The following OPCML variants were observed in gnomAD, a reference collection of about 807,000 sequenced individuals.
OPCML encodes opioid binding protein/cell adhesion molecule like.
OPCML carries 13 observed loss-of-function variants against 37.8 expected under a neutral mutation model. That is an observed-to-expected ratio of 0.34 (90% confidence interval 0.22 to 0.55). The LOEUF is 0.55. Ranked by LOEUF, OPCML falls within the 20% of genes least tolerant of loss-of-function variation. OPCML has a pLI of 0.91. For missense variants in OPCML, 341 were observed against 435.6 expected (o/e 0.78, Z 1.93); for synonymous variants, 176 against 168.8 (o/e 1.04, Z -0.33).
At chr11:132,543,806 A>G (rs1158498833) in intron 3 of OPCML, among the ~76,000 whole-genome samples, 3 of 152,304 alleles carry the variant, frequency 2.0e-5, no homozygotes, top group African/African-American at 7.2e-5. Flanking sequence ...CACAAAAGAC[A>G]TTACTTATAA....
At chr11:132,689,109 G>C (rs1201124869) in intron 2 of OPCML, among the ~76,000 whole-genome samples, 1 of 152,140 alleles carries the variant, frequency 6.6e-6, no homozygotes. Flanking sequence ...TCCCGGGAAT[G>C]CTGTTTCAGT....
At chr11:132,472,306 A>G (rs933732815) in intron 4 of OPCML, among the ~76,000 whole-genome samples, 2 of 152,162 alleles carry the variant, frequency 1.3e-5, no homozygotes, top group African/African-American at 4.8e-5. Flanking sequence ...AGCACATAGT[A>G]AGCACTCCAC....
At chr11:132,457,383 A>G (rs182819928) in intron 4 of OPCML, among the ~76,000 whole-genome samples, 294 of 152,282 alleles carry the variant, frequency 1.9e-3, no homozygotes, top group African/African-American at 6.5e-3. Context: ...GAAAGACCAA[A>G]CCTACACTGA....
At chr11:133,074,322 A>G (rs1237487177) in intron 1 of OPCML, among the ~76,000 whole-genome samples, 1 of 152,254 alleles carries the variant, frequency 6.6e-6, no homozygotes, top group Non-Finnish European at 1.5e-5. Context: ...GAAGACTTCT[A>G]AAGTCCTTCC....
In OPCML at chr11:133,532,459, A is replaced by C. The variant is rs1948625668; in HGVS notation, c.-135T>G. 4 of 1,070,150 alleles carry C rather than the reference A, an allele frequency of 3.7e-6. No individual in the cohort carries two copies. Among genetic ancestry groups the C allele is most frequent in the Non-Finnish European group, 4.1e-6 (3 of 723,154 alleles). 66.3% of individuals were successfully genotyped at this position (1,070,150 alleles called of 1,614,324 possible). A position where few individuals can be genotyped will look rare whatever the true frequency, so the allele number is the denominator to read the frequency against. ...CAAAGGGAGGGAGAGAGCAGAAGAG[A>C]GAGAGAGCGCGCGAGAGATGGGAGC... On this transcript the variant is annotated 5_prime_UTR_variant, in exon 1 of 8. Coordinates refer to ENST00000524381, the MANE Select transcript of OPCML (RefSeq NM_001012393.5).
chr11:133,181,464 TA>T (rs35710142), intron 1 of OPCML, among the ~76,000 whole-genome samples: 43,347 of 145,826 alleles, frequency 0.3, 6,540 homozygotes, highest in Middle Eastern at 0.4. Flanking sequence ...TAGTGAACTT[TA>T]AAAAAAAATT....
chr11:133,207,155 C>T (rs1939106940), intron 1 of OPCML, among the ~76,000 whole-genome samples: 1 of 149,354 alleles, frequency 6.7e-6, no homozygotes, highest in South Asian at 2.1e-4. Context: ...AAAAAATTAA[C>T]CAGGTGTGGT....
chr11:132,683,429 G>C (rs1198538508), intron 2 of OPCML, among the ~76,000 whole-genome samples: 1 of 152,076 alleles, frequency 6.6e-6, no homozygotes, highest in African/African-American at 2.4e-5. Context: ...GGAAAAACCT[G>C]GTTGATATGC....
At chr11:132,658,323 G>A (rs1361950221) in intron 2 of OPCML, among the ~76,000 whole-genome samples, 1 of 152,212 alleles carries the variant, frequency 6.6e-6, no homozygotes, top group African/African-American at 2.4e-5. Context: ...AGGAGAACAC[G>A]GGGAATAGGC....
rs558757188 is a variant in OPCML, at chr11:133,004,646, G to A, written c.62-61636C>T. Reference sequence around the variant, plus strand: ...CTGCCCCCACTGCTAACAGCTGCTCGGGAGGCCAGCTGGCGAGGGACCATG... The same window carrying A: ...CTGCCCCCACTGCTAACAGCTGCTCAGGAGGCCAGCTGGCGAGGGACCATG... On this transcript the variant is annotated intron_variant, in intron 1 of 7. Coordinates refer to ENST00000524381, the MANE Select transcript of OPCML (RefSeq NM_001012393.5). The A allele has an allele frequency of 6.2e-5, 61 of 985,448 alleles. No homozygotes were observed. The South Asian group carries it at 1.6e-3, about 25-fold the overall frequency. 61.0% of individuals were successfully genotyped at this position (985,448 alleles called of 1,614,324 possible).
rs59382534 is a variant in OPCML at position 133,294,815 on chromosome 11, CTTTTTTTTTTT to C, written c.61+237438_61+237448del. ...TTTTTTTTTCTTTCTTTCTTTCTTT[CTTTTTTTTTTT>C]TTTTTTTTTTTTTTGAGACTGAGTT... On this transcript the variant is annotated intron_variant, in intron 1 of 7. Transcript: ENST00000524381. Among the ~76,000 whole-genome samples, 6 of 56,560 alleles carry C rather than the reference CTTTTTTTTTTT, an allele frequency of 1.1e-4. No individual in the cohort carries two copies. In the East Asian group the frequency reaches 2.3e-3, roughly 22 times the overall value. The allele number at this position is 56,560 out of a possible 152,430, so 37.1% of individuals were successfully genotyped here. A position where few individuals can be genotyped will look rare whatever the true frequency, so the allele number is the denominator to read the frequency against.
intron 1 of OPCML, among the ~76,000 whole-genome samples, chr11:132,988,744 A>G (rs1232293360): frequency 6.6e-6 from 1 of 152,230 alleles, no homozygotes; most frequent in African/African-American, 2.4e-5. Context: ...TGATCAAAGG[A>G]TAAAATAAAT....
At chr11:133,323,350 AG>A (rs1233378783) in intron 1 of OPCML, among the ~76,000 whole-genome samples, 1 of 152,230 alleles carries the variant, frequency 6.6e-6, no homozygotes, top group Non-Finnish European at 1.5e-5. Context: ...ACCCTCACAT[AG>A]GACAAAGGTG....
At chr11:132,766,043 A>T (rs546026624) in intron 2 of OPCML, among the ~76,000 whole-genome samples, 1 of 152,304 alleles carries the variant, frequency 6.6e-6, no homozygotes, top group Non-Finnish European at 1.5e-5. Context: ...CAAATAACAT[A>T]AATTGATTAT....
At position 132,552,763 on chromosome 11, in the gene OPCML, C is replaced by CTTTTTTTTTTTTTTTTTTTTTTTTTTT. The variant is rs562056846; in HGVS notation, c.380-23578_380-23577insAAAAAAAAAAAAAAAAAAAAAAAAAAA. Among the ~76,000 whole-genome samples, 45 of 92,788 alleles carry CTTTTTTTTTTTTTTTTTTTTTTTTTTT rather than the reference C, an allele frequency of 4.8e-4. 12 individuals are homozygous for CTTTTTTTTTTTTTTTTTTTTTTTTTTT. Among genetic ancestry groups the CTTTTTTTTTTTTTTTTTTTTTTTTTTT allele is most frequent in the African/African-American group, 6.2e-4 (11 of 17,840 alleles). The allele number at this position is 92,788 out of a possible 152,430, so 60.9% of individuals were successfully genotyped here. Reference sequence around the variant, plus strand: ...TAGTCAAACTAAATTAAACACTACTCTTTTTTTTTTTTTTTTGAGACCGAG... The same window carrying CTTTTTTTTTTTTTTTTTTTTTTTTTTT: ...TAGTCAAACTAAATTAAACACTACTCTTTTTTTTTTTTTTTTTTTTTTTTTTTTTTTTTTTTTTTTTTTGAGACCGAG... On this transcript the variant is annotated intron_variant, in intron 3 of 7. Transcript: ENST00000524381.
chr11:133,241,777 G>A (rs561370441), intron 1 of OPCML, among the ~76,000 whole-genome samples: 116 of 152,246 alleles, frequency 7.6e-4, no homozygotes, highest in African/African-American at 2.6e-3. Flanking sequence ...ATCTCCCATG[G>A]TTCACCACCC....
At chr11:133,260,550 A>G (rs1941458239) in intron 1 of OPCML, among the ~76,000 whole-genome samples, 1 of 152,052 alleles carries the variant, frequency 6.6e-6, no homozygotes, top group African/African-American at 2.4e-5. Context: ...GGGAGTGGAG[A>G]TCTAAGATCT....
intron 1 of OPCML, among the ~76,000 whole-genome samples, chr11:133,246,214 C>T (rs950632066): frequency 1.4e-4 from 22 of 152,322 alleles, no homozygotes; most frequent in Non-Finnish European, 2.9e-4. Flanking sequence ...TAATTCAATG[C>T]ACATTTATTA....
chr11:132,480,756 A>G (rs991907598), intron 4 of OPCML, among the ~76,000 whole-genome samples: 1 of 152,198 alleles, frequency 6.6e-6, no homozygotes, highest in Non-Finnish European at 1.5e-5. Flanking sequence ...AGAATTTCAT[A>G]TCCAGCCAAA....
Sources: gnomAD v4.1 joint callset for allele counts (sites outside exome capture counted in the v4.1 genomes callset) on GRCh38, gnomAD v4.1.1 for gene constraint, MANE v1.5 for transcripts, NCBI Gene and HGNC (gene_info 2026-07-23, HGNC 2026-07-21) for gene names.